The following TP63 variants were observed in gnomAD, a reference collection of about 807,000 sequenced individuals.
The protein encoded by TP63 is tumor protein 63.
TP63 carries 17 observed loss-of-function variants against 82.8 expected under a neutral mutation model. The ratio of observed to expected loss-of-function variants is 0.21; its 90% CI spans 0.14 to 0.31. The LOEUF is 0.31. Among genes scored for constraint, TP63 ranks in the 10% least tolerant of loss-of-function variants. The probability of loss-of-function intolerance (pLI) is 1.00; values close to 1 mark genes in which losing one functional copy is unlikely to be tolerated. For synonymous variants in TP63, 330 were observed against 321.7 expected (o/e 1.03, Z -0.28); for missense variants, 648 against 895.3 (o/e 0.72, Z 3.52).
chr3:189,794,192 T>A (rs577566687), intron 3 of TP63, among the ~76,000 whole-genome samples: 11 of 152,166 alleles, frequency 7.2e-5, no homozygotes, highest in African/African-American at 2.4e-4. Flanking sequence ...GAAGAAGAAC[T>A]GACTGACTCT....
At chr3:189,797,588 A>G (rs1725844848) in intron 3 of TP63, among the ~76,000 whole-genome samples, 2 of 152,078 alleles carry the variant, frequency 1.3e-5, no homozygotes, top group African/African-American at 2.4e-5. Context: ...CTCAAAGGGC[A>G]ACATCAGATG....
At chr3:189,872,704 A>C (rs1415726917) in intron 9 of TP63, among the ~76,000 whole-genome samples, 155 bp from the exon 10 acceptor site, 1 of 152,214 alleles carries the variant, frequency 6.6e-6, no homozygotes, top group Non-Finnish European at 1.5e-5. Flanking sequence ...GAAAGACCAC[A>C]AAAGGGCCAA....
chr3:189,760,044 G>A (rs116829960), intron 3 of TP63, among the ~76,000 whole-genome samples: 3,683 of 152,136 alleles, frequency 0.024, 155 homozygotes, highest in African/African-American at 0.083. Flanking sequence ...GGAAAGACCC[G>A]CCCCTATGAT....
chr3:189,777,873 T>TTTTTTTTG (rs1723936634), intron 3 of TP63, among the ~76,000 whole-genome samples: 1 of 122,024 alleles, frequency 8.2e-6, no homozygotes, highest in African/African-American at 2.9e-5. Context: ...TTTTTTTTTT[T>TTTTTTTTG]GAGTCAGAGT....
At chr3:189,739,000 AT>A (rs1287019750) in intron 3 of TP63, 2 of 598,796 alleles carry the variant, frequency 3.3e-6, no homozygotes, top group Non-Finnish European at 5.8e-6. Context: ...GGGGAGGGAG[AT>A]TCTTTACATC....
Position 189,636,126 on chromosome 3 carries a change from AT to A in TP63, c.62+4554del, listed in dbSNP as rs201655423. Among the ~76,000 whole-genome samples, 311 of 152,238 alleles carry A rather than the reference AT, an allele frequency of 2.0e-3. 5 individuals are homozygous for A. The highest frequency in any genetic ancestry group is 0.017 in the East Asian group (86 of 5,160). On this transcript the variant is annotated intron_variant, in intron 1 of 13. Transcript: ENST00000264731. ...ATCCATCAGTTGTAATCAAAAAAAA[AT>A]TTTTCAGTCTCTAATGAATAAGCTT...
At chr3:189,882,558 A>G (rs1204493365) in intron 10 of TP63, among the ~76,000 whole-genome samples, 1 of 151,882 alleles carries the variant, frequency 6.6e-6, no homozygotes, top group Non-Finnish European at 1.5e-5. Context: ...TACTGCAGAA[A>G]TGGTTTGTTG....
intron 1 of TP63, among the ~76,000 whole-genome samples, chr3:189,642,083 GGA>G: frequency 6.6e-6 from 1 of 152,078 alleles, no homozygotes; most frequent in Non-Finnish European, 1.5e-5. Flanking sequence ...TCAAGTTTCT[GGA>G]AAACATTACT....
chr3:189,859,018 A>G (rs957987934), intron 4 of TP63, among the ~76,000 whole-genome samples: 35 of 152,266 alleles, frequency 2.3e-4, no homozygotes, highest in East Asian at 9.6e-4. Flanking sequence ...GTACAATATT[A>G]CAGTTAGACA....
intron 1 of TP63, among the ~76,000 whole-genome samples, chr3:189,699,882 A>G (rs1002960639): frequency 3.3e-5 from 5 of 152,206 alleles, no homozygotes; most frequent in African/African-American, 1.2e-4. Context: ...ATGATTCCTT[A>G]CACAAATATT....
intron 3 of TP63, among the ~76,000 whole-genome samples, chr3:189,798,694 T>C (rs139149804): frequency 1.3e-5 from 2 of 152,238 alleles, no homozygotes; most frequent in African/African-American, 4.8e-5. Flanking sequence ...TTCTCTATAG[T>C]GTTATCACTA....
intron 1 of TP63, among the ~76,000 whole-genome samples, chr3:189,717,644 A>G (rs1719060943): frequency 2.0e-5 from 3 of 152,234 alleles, no homozygotes; most frequent in Admixed American, 2.0e-4. Flanking sequence ...AGTTGGTCTC[A>G]TTAACCAAAA....
the TP63 span, among the ~76,000 whole-genome samples, chr3:189,599,132 T>A: frequency 0.012 from 1,901 of 152,336 alleles, 44 homozygotes; most frequent in African/African-American, 0.043. Context: ...ATTTACCTCC[T>A]TAGATATCAG....
chr3:189,625,681 T>C, the TP63 span, among the ~76,000 whole-genome samples: 5 of 152,204 alleles, frequency 3.3e-5, no homozygotes, highest in East Asian at 9.7e-4. Context: ...TATCTGCAAC[T>C]GACAAATGGT....
At chr3:189,807,166 G>A (rs1447651012) in intron 3 of TP63, among the ~76,000 whole-genome samples, 1 of 152,126 alleles carries the variant, frequency 6.6e-6, no homozygotes. Flanking sequence ...CCATAAGCTG[G>A]TTGCCCCTTT....
chr3:189,626,679 G>A (rs1729326308), upstream of TP63, among the ~76,000 whole-genome samples: 1 of 152,162 alleles, frequency 6.6e-6, no homozygotes, highest in Non-Finnish European at 1.5e-5. Flanking sequence ...GCCTCTCCTG[G>A]CCAAACATGG....
At chr3:189,627,916 G>A (rs1168784050), upstream of TP63, among the ~76,000 whole-genome samples, 1 of 152,128 alleles carries the variant, frequency 6.6e-6, no homozygotes, top group Non-Finnish European at 1.5e-5. Flanking sequence ...GAGGTCAAGT[G>A]TTTTGTGGAA....
intron 1 of TP63, among the ~76,000 whole-genome samples, chr3:189,636,913 A>G (rs1371291294): frequency 6.6e-6 from 1 of 152,160 alleles, no homozygotes; most frequent in African/African-American, 2.4e-5. Context: ...ATCATCATGT[A>G]TTTTATGATT....
chr3:189,876,999 A>G (rs1037092920), intron 10 of TP63, among the ~76,000 whole-genome samples: 2 of 152,080 alleles, frequency 1.3e-5, no homozygotes, highest in African/African-American at 4.8e-5. Flanking sequence ...GCACTACAAT[A>G]TTTTTACTTT....
Sources: gnomAD v4.1 joint callset for allele counts (sites outside exome capture counted in the v4.1 genomes callset) on GRCh38, gnomAD v4.1.1 for gene constraint, MANE v1.5 for transcripts, NCBI Gene and HGNC (gene_info 2026-07-23, HGNC 2026-07-21) for gene names.